The following LANCL3 variants were observed in gnomAD, a reference collection of about 807,000 sequenced individuals.
LANCL3 encodes lanC-like protein 3.
Under a neutral mutation model 26.5 loss-of-function variants are expected in LANCL3, and 19 were observed. The observed-to-expected ratio is 0.72, with a 90% CI of 0.50 to 1.05. The LOEUF (loss-of-function observed/expected upper bound fraction) is 1.05. Ranked by LOEUF, LANCL3 falls within the 50% of genes least tolerant of loss-of-function variation. The pLI, the probability that LANCL3 is intolerant of heterozygous loss-of-function variation, is 0.00. For synonymous variants in LANCL3, 160 were observed against 166.6 expected, an observed-to-expected ratio of 0.96 and a Z score of 0.30; for missense variants, 318 against 362.7, an observed-to-expected ratio of 0.88 and a Z score of 1.00.
chrX:37,632,911 T>A (rs1188786333), intron 1 of LANCL3, among the ~76,000 whole-genome samples: 1 of 111,443 alleles, frequency 9.0e-6, no homozygotes, highest in African/African-American at 3.3e-5. Context: ...TCAACTTTGG[T>A]GAATCTGACA....
intron 1 of LANCL3, among the ~76,000 whole-genome samples, chrX:37,615,536 C>A (rs1391287098): frequency 8.9e-6 from 1 of 112,076 alleles, no homozygotes; most frequent in Non-Finnish European, 1.9e-5. Context: ...GATAACTAAA[C>A]TGATATTCAG....
intron 1 of LANCL3, among the ~76,000 whole-genome samples, chrX:37,633,610 G>T (rs1556424966): frequency 1.8e-5 from 2 of 111,206 alleles, no homozygotes; most frequent in African/African-American, 6.6e-5. Context: ...GGTTTTTGGT[G>T]TGGATGTCCT....
At chrX:37,662,428 G>T (rs1307460625) in intron 3 of LANCL3, among the ~76,000 whole-genome samples, 1 of 111,801 alleles carries the variant, frequency 8.9e-6, no homozygotes, top group Non-Finnish European at 1.9e-5. Context: ...TTTCATAAAA[G>T]CTCTTGGGTA....
chrX:37,624,701 G>A (rs782685128), intron 1 of LANCL3, among the ~76,000 whole-genome samples: 1 of 111,702 alleles, frequency 9.0e-6, no homozygotes, highest in Non-Finnish European at 1.9e-5. Flanking sequence ...AAAATATAAT[G>A]GGTAGCACAT....
chrX:37,576,338 G>A (rs1478197712), intron 1 of LANCL3, among the ~76,000 whole-genome samples: 3 of 111,463 alleles, frequency 2.7e-5, no homozygotes, highest in Non-Finnish European at 5.6e-5. Flanking sequence ...AGATATCCTT[G>A]AGCAATGGGG....
At chrX:37,669,622 C>T (rs1926633387) in intron 4 of LANCL3, among the ~76,000 whole-genome samples, 1 of 111,875 alleles carries the variant, frequency 8.9e-6, no homozygotes, top group African/African-American at 3.3e-5. Flanking sequence ...TGGAAGCTTC[C>T]TGAGGCCTCC....
chrX:37,639,430 C>T, intron 1 of LANCL3, among the ~76,000 whole-genome samples: 1 of 108,436 alleles, frequency 9.2e-6, no homozygotes, highest in Non-Finnish European at 1.9e-5. Context: ...AACATGTTCT[C>T]TTTACATATT....
At chrX:37,591,654 A>AG (rs1206333449) in intron 1 of LANCL3, among the ~76,000 whole-genome samples, 1 of 109,750 alleles carries the variant, frequency 9.1e-6, no homozygotes, top group East Asian at 3.0e-4. Context: ...CTCATCTTGT[A>AG]GGGAAGCTCT....
intron 1 of LANCL3, among the ~76,000 whole-genome samples, chrX:37,616,343 T>TATA (rs1925007470): frequency 8.9e-6 from 1 of 112,028 alleles, no homozygotes; most frequent in Non-Finnish European, 1.9e-5. Flanking sequence ...AAATATATAA[T>TATA]ATAAAATATG....
At position 37,575,229 on chromosome X, in the gene LANCL3, G is replaced by T. The variant is rs1472682339; in HGVS notation, c.573+2786G>T. The stretch of plus-strand genomic sequence containing the variant: ...GTCATGAGCCACTGTGCCTGGCCTT[G>T]TATAGGTCTTTACTTCCTCAATGAG... On this transcript the variant is annotated intron_variant, in intron 1 of 4. Coordinates refer to ENST00000378619, the MANE Select transcript of LANCL3 (RefSeq NM_001170331.2). Among the ~76,000 whole-genome samples the T allele has an allele frequency of 2.7e-5, 3 of 111,003 alleles. No individual in the cohort carries two copies. In the South Asian group the frequency reaches 1.1e-3, roughly 42 times the overall value.
chrX:37,675,796 T>G lies in LANCL3; in HGVS notation c.1246T>G (p.Phe416Val). Residue 416 changes from phenylalanine (F) to valine (V), a missense_variant, in exon 5 of 5, where the codon TTC becomes GTC. Coordinates refer to ENST00000378619, the MANE Select transcript of LANCL3 (RefSeq NM_001170331.2). ...LQPNQAEFPLFSVFV is the reference protein window; with the variant it reads ...LQPNQAEFPLVSVFV ...GCCCAATCAGGCTGAATTCCCACTC[T>G]TCAGCGTCTTTGTTTAGAAGGCTCT... is the stretch of plus-strand genomic sequence containing the variant. 1.7e-6 allele frequency: 2 copies of G among 1,151,853 alleles called. No individual in the cohort carries two copies. The highest frequency in any genetic ancestry group is 2.3e-6 in the Non-Finnish European group (2 of 866,249). 94.9% of individuals were successfully genotyped at this position (1,151,853 alleles called of 1,213,427 possible). A position where few individuals can be genotyped will look rare whatever the true frequency, so the allele number is the denominator to read the frequency against.
At chrX:37,608,224 T>C (rs1229483373) in intron 1 of LANCL3, among the ~76,000 whole-genome samples, 1 of 111,913 alleles carries the variant, frequency 8.9e-6, no homozygotes, top group Non-Finnish European at 1.9e-5. Context: ...TCAGGTCTTT[T>C]GGCTTTCAAG....
intron 4 of LANCL3, chrX:37,668,304 C>T: frequency 5.4e-6 from 1 of 186,062 alleles, no homozygotes; most frequent in Non-Finnish European, 9.9e-6. Context: ...ATATATATAT[C>T]CTAGTTATAT....
In LANCL3 at chrX:37,678,147, G is replaced by T. The variant is rs1926858485; in HGVS notation, c.*2334G>T. 8.9e-6 allele frequency: 1 copy of T among 111,803 alleles called. No individual in the cohort carries two copies. The highest frequency in any genetic ancestry group is 3.7e-4 in the South Asian group (1 of 2,684). 9.2% of individuals were successfully genotyped at this position (111,803 alleles called of 1,213,427 possible). A position where few individuals can be genotyped will look rare whatever the true frequency, so the allele number is the denominator to read the frequency against. On this transcript the variant is annotated 3_prime_UTR_variant, in exon 5 of 5. Transcript: ENST00000378619. ...ATTGTCTTTATGAAATGACATTTCG[G>T]TAAATTAGAAACAACAATAGGCTTG...
intron 1 of LANCL3, among the ~76,000 whole-genome samples, chrX:37,646,774 G>A (rs1556427085): frequency 9.0e-6 from 1 of 110,537 alleles, no homozygotes; most frequent in Non-Finnish European, 1.9e-5. Flanking sequence ...CAGGCAAAAG[G>A]GAGGCACATA....
intron 1 of LANCL3, among the ~76,000 whole-genome samples, chrX:37,588,196 T>G (rs1924160200): frequency 8.9e-6 from 1 of 112,152 alleles, no homozygotes; most frequent in South Asian, 3.7e-4. Context: ...GTTAATTTAG[T>G]AAATGATGTT....
chrX:37,596,370 T>TAGTAATTTAGTAAATTTAGTAAAA (rs2146722838), intron 1 of LANCL3, among the ~76,000 whole-genome samples: 1 of 112,359 alleles, frequency 8.9e-6, no homozygotes, highest in Non-Finnish European at 1.9e-5. Flanking sequence ...AAAATTGTTG[T>TAGTAATTTAGTAAATTTAGTAAAA]GTCAAATGGC....
intron 1 of LANCL3, among the ~76,000 whole-genome samples, chrX:37,633,961 A>G (rs1409234212): frequency 3.6e-5 from 4 of 112,257 alleles, no homozygotes; most frequent in Non-Finnish European, 7.5e-5. Flanking sequence ...CTCTCTTCAA[A>G]GCTGTCAGAC....
At chrX:37,624,741 G>T (rs1295618780) in intron 1 of LANCL3, among the ~76,000 whole-genome samples, 1 of 111,280 alleles carries the variant, frequency 9.0e-6, no homozygotes, top group Non-Finnish European at 1.9e-5. Flanking sequence ...CTTCTTATCT[G>T]CCTCCTCTAA....
Sources: allele counts gnomAD v4.1 joint callset (sites outside exome capture counted in the v4.1 genomes callset), GRCh38; gene constraint gnomAD v4.1.1; transcripts MANE v1.5; gene names NCBI Gene and HGNC (gene_info 2026-07-23, HGNC 2026-07-21).